CTTNBP2: variants seen among roughly 807,000 people sequenced by gnomAD.
CTTNBP2 encodes cortactin-binding protein 2.
Under a neutral mutation model 156.9 loss-of-function variants are expected in CTTNBP2, and 108 were observed. That is an observed-to-expected ratio of 0.69 (90% CI 0.59 to 0.81). CTTNBP2 has a LOEUF of 0.81. Among genes scored for constraint, CTTNBP2 ranks in the 30% least tolerant of loss-of-function variants. The pLI, the probability that CTTNBP2 is intolerant of heterozygous loss-of-function variation, is 0.00. For missense variants in CTTNBP2, 1,924 were observed against 2,035.4 expected (o/e 0.95, Z 1.05); for synonymous variants, 767 against 751.8 (o/e 1.02, Z -0.33).
chr7:117,792,693 T>C lies in CTTNBP2; in HGVS notation c.503A>G (p.Lys168Arg), dbSNP rs757192539. ...TTTGACCAGCATCAGGACCACCTGC[T>C]TGTTCTTGCCACGCTCTTCCTCAAG... is the stretch of plus-strand genomic sequence containing the variant. ...ARLEEERGKNKQVVLMLVKEC... is the reference protein window; with the variant it reads ...ARLEEERGKNRQVVLMLVKEC... Residue 168 changes from lysine to arginine, a missense_variant, in exon 4 of 23, where the codon AAG becomes AGG. By Grantham distance (26) the Lys-to-Arg change is conservative (BLOSUM62 2). Transcript: ENST00000160373. This position sits in a 1 kb window ranked among gnomAD's most constrained non-coding sequence, Gnocchi z 4.2. 1 of 1,613,756 alleles carries C rather than the reference T, an allele frequency of 6.2e-7. No homozygotes were observed. The highest frequency in any genetic ancestry group is 1.1e-5 in the South Asian group (1 of 90,910).
At chr7:117,772,197 G>A (rs1184131951) in intron 8 of CTTNBP2, among the ~76,000 whole-genome samples, 2 of 152,168 alleles carry the variant, frequency 1.3e-5, no homozygotes, top group Non-Finnish European at 2.9e-5. Flanking sequence ...AAGGGAAGCA[G>A]AGAGACCGAA....
chr7:117,792,784 G>A lies in CTTNBP2; in HGVS notation c.415-3C>T, dbSNP rs1313166440. The A allele has an allele frequency of 2.0e-6, 3 of 1,526,940 alleles. No individual in the cohort carries two copies. The African/African-American group carries it at 4.2e-5, about 21-fold the overall frequency. 94.6% of individuals were successfully genotyped at this position (1,526,940 alleles called of 1,614,324 possible). A position where few individuals can be genotyped will look rare whatever the true frequency, so the allele number is the denominator to read the frequency against. ...AGCTGAAGCTTCTCCATTTCCAGCT[G>A]AAAGAAATTCACAGGAAAACCCTGA... On this transcript the variant is annotated splice_region_variant and splice_polypyrimidine_tract_variant and intron_variant, in intron 3 of 22. Transcript: ENST00000160373. This position sits in a 1 kb window ranked among gnomAD's most constrained non-coding sequence, Gnocchi z 4.2.
At chr7:117,818,737 T>A (rs1800773117) in intron 2 of CTTNBP2, among the ~76,000 whole-genome samples, 1 of 152,196 alleles carries the variant, frequency 6.6e-6, no homozygotes, top group Non-Finnish European at 1.5e-5. Context: ...GAACTAGGGA[T>A]GCTTGAAAGA....
rs192895307 is a variant in CTTNBP2, at chr7:117,860,600, C to T, written c.189+609G>A. Among the ~76,000 whole-genome samples the T allele has an allele frequency of 5.0e-3, 757 of 152,058 alleles. 7 individuals are homozygous for T. The highest frequency in any genetic ancestry group is 0.017 in the African/African-American group (716 of 41,472). On this transcript the variant is annotated intron_variant, in intron 2 of 22. Transcript: ENST00000160373. ...CCTCATGATCCGCCCACCTCGGCCT[C>T]CCAAAGTGCTGGGATTCACCATTGT...
In CTTNBP2 at chr7:117,850,543, T is replaced by C. The variant is rs76886579; in HGVS notation, c.189+10666A>G. ...ATCAAAAGGAGACACGGCAAAGCAG[T>C]TGCACAAAATAAAACAACTTTGAGG... On this transcript the variant is annotated intron_variant, in intron 2 of 22. Coordinates refer to ENST00000160373, the MANE Select transcript of CTTNBP2 (RefSeq NM_033427.3). Among the ~76,000 whole-genome samples, 105 of 152,276 alleles carry C rather than the reference T, an allele frequency of 6.9e-4. No individual in the cohort carries two copies. In the East Asian group the frequency reaches 0.019, roughly 28 times the overall value.
intron 2 of CTTNBP2, among the ~76,000 whole-genome samples, chr7:117,815,276 A>G (rs1002849894): frequency 6.6e-6 from 1 of 152,324 alleles, no homozygotes; most frequent in Admixed American, 6.5e-5. Flanking sequence ...GTGAAAACTC[A>G]TAGATTAAAT....
rs151173219 is a variant in CTTNBP2, at chr7:117,757,927, C to T, written c.3216G>A (p.Pro1072=). The T allele has an allele frequency of 3.4e-5, 55 of 1,613,512 alleles. No homozygotes were observed. The Admixed American group carries it at 3.8e-4, about 11-fold the overall frequency. The part of the protein sequence containing the change: ...WSVGQSFAQS[P]WDFMRKNKAE... ...CCTTATTCTTCCTCATAAAGTCCCA[C>T]GGGGACTGCGCGAAGCTCTGACCCA... The change falls in exon 11 of 23, where the codon CCG becomes CCA. Residue 1072 remains proline (P), a synonymous_variant. Transcript: ENST00000160373.
intron 9 of CTTNBP2, among the ~76,000 whole-genome samples, chr7:117,763,810 ATCC>A (rs1473079237): frequency 6.6e-6 from 1 of 151,808 alleles, no homozygotes; most frequent in Non-Finnish European, 1.5e-5. Context: ...GGCTCAAGCA[ATCC>A]TCCTGCCTCA....
intron 3 of CTTNBP2, among the ~76,000 whole-genome samples, chr7:117,804,348 G>T (rs36036225): frequency 0.022 from 3,317 of 152,018 alleles, 57 homozygotes; most frequent in South Asian, 0.033. Context: ...GTTTTTCTGG[G>T]GATCATACGC....
chr7:117,723,744 G>C (rs926760796), intron 19 of CTTNBP2, among the ~76,000 whole-genome samples: 2 of 148,112 alleles, frequency 1.4e-5, no homozygotes, highest in African/African-American at 5.1e-5. Context: ...ACTCGATGAC[G>C]GCAGGATCTT....
At chr7:117,749,424 C>A (rs1295964011) in intron 12 of CTTNBP2, among the ~76,000 whole-genome samples, 1 of 152,152 alleles carries the variant, frequency 6.6e-6, no homozygotes, top group African/African-American at 2.4e-5. Context: ...TCCAACACAG[C>A]AGACAATGTA....
Position 117,735,110 on chromosome 7 carries a change from A to C in CTTNBP2, c.3689-10T>G. ...TCGGACAGTCCATTTCCTGAAACAAACCAAAAAGCAATGGCCCATCCTCAG... is the reference window on the plus strand; with the variant it reads ...TCGGACAGTCCATTTCCTGAAACAACCCAAAAAGCAATGGCCCATCCTCAG... On this transcript the variant is annotated splice_polypyrimidine_tract_variant and intron_variant, in intron 15 of 22. Coordinates refer to ENST00000160373, the MANE Select transcript of CTTNBP2 (RefSeq NM_033427.3). The C allele has an allele frequency of 2.5e-6, 4 of 1,608,054 alleles. No homozygotes were observed. Among genetic ancestry groups the C allele is most frequent in the Non-Finnish European group, 3.4e-6 (4 of 1,176,310 alleles).
rs773138839 is a variant in CTTNBP2 at position 117,777,688 on chromosome 7, T to A, written c.2601A>T (p.Ile867=). 1.9e-6 allele frequency: 3 copies of A among 1,614,052 alleles called. No homozygotes were observed. Among genetic ancestry groups the A allele is most frequent in the East Asian group, 4.5e-5 (2 of 44,884 alleles). Residue 867 remains isoleucine, a synonymous_variant, in exon 8 of 23, where the codon ATA becomes ATT. Coordinates refer to ENST00000160373, the MANE Select transcript of CTTNBP2 (RefSeq NM_033427.3). Reference sequence around the variant, plus strand: ...CATTGAAAGAATTTCCATGAGCTGGTATTCTATGGTACATAAGAAGCTTGA... The same window carrying A: ...CATTGAAAGAATTTCCATGAGCTGGAATTCTATGGTACATAAGAAGCTTGA... ...DSLKLLMYHR[I]PAHGNSFNEE...
chr7:117,818,266 T>C (rs890714024), intron 2 of CTTNBP2, among the ~76,000 whole-genome samples: 2 of 152,150 alleles, frequency 1.3e-5, no homozygotes, highest in African/African-American at 4.8e-5. Flanking sequence ...CACAAACCAC[T>C]GGTTACCTAA....
chr7:117,863,823 C>G (rs1329156728), intron 1 of CTTNBP2, among the ~76,000 whole-genome samples: 3 of 152,154 alleles, frequency 2.0e-5, no homozygotes, highest in East Asian at 3.8e-4. Flanking sequence ...CTTTGAAAAT[C>G]TACCAGCCCA....
intron 1 of CTTNBP2, among the ~76,000 whole-genome samples, chr7:117,870,838 T>A (rs1284536101): frequency 6.6e-6 from 1 of 152,226 alleles, no homozygotes; most frequent in Non-Finnish European, 1.5e-5. Context: ...ATAATGTAGC[T>A]GTTACCCAGC....
chr7:117,756,780 C>T lies in CTTNBP2; in HGVS notation c.3269-146G>A. On this transcript the variant is annotated intron_variant, in intron 11 of 22. Transcript: ENST00000160373. ...CATTTGGCCAGGAGGCACCAATGTG[C>T]CTTTCTGTTGTGAAAATATCCTCAC... The T allele has an allele frequency of 9.0e-6, 6 of 663,280 alleles. No individual in the cohort carries two copies. The South Asian group carries it at 1.0e-4, about 11-fold the overall frequency. The allele number at this position is 663,280 out of a possible 1,614,324, so 41.1% of individuals were successfully genotyped here.
chr7:117,849,077 A>C (rs1340561371), intron 2 of CTTNBP2, among the ~76,000 whole-genome samples: 1 of 152,220 alleles, frequency 6.6e-6, no homozygotes, highest in African/African-American at 2.4e-5. Flanking sequence ...TGTCCTGAGA[A>C]GAGCCACTGC....
At chr7:117,821,588 ATT>A (rs61303861) in intron 2 of CTTNBP2, among the ~76,000 whole-genome samples, 16 of 134,612 alleles carry the variant, frequency 1.2e-4, no homozygotes, top group Non-Finnish European at 1.3e-4. Flanking sequence ...TCTGTTTAGG[ATT>A]TTTTTTTTTT....
Sources: gnomAD v4.1 joint callset for allele counts (sites outside exome capture counted in the v4.1 genomes callset) on GRCh38, gnomAD v4.1.1 for gene constraint, Gnocchi (gnomAD v3.1) non-coding constraint, MANE v1.5 for transcripts, NCBI Gene and HGNC (gene_info 2026-07-23, HGNC 2026-07-21) for gene names.